KIAA1671: variants seen among roughly 807,000 people sequenced by gnomAD.
KIAA1671 encodes the protein KIAA1671.
KIAA1671 carries 52 observed loss-of-function variants against 131.2 expected under a neutral mutation model. The ratio of observed to expected loss-of-function variants is 0.40; its 90% CI spans 0.32 to 0.50. The LOEUF (loss-of-function observed/expected upper bound fraction) is 0.50, where lower values mean the gene tolerates loss of function less well. Ranked by LOEUF, KIAA1671 falls within the 20% of genes least tolerant of loss-of-function variation. The pLI is 0.73. For synonymous variants in KIAA1671, 1,003 were observed against 961.6 expected, an observed-to-expected ratio of 1.04 and a Z score of -0.80; for missense variants, 2,360 against 2,364.2, an observed-to-expected ratio of 1.00 and a Z score of 0.04.
chr22:25,032,993 C>A (rs2145794280), intron 4 of KIAA1671, among the ~76,000 whole-genome samples: 1 of 152,176 alleles, frequency 6.6e-6, no homozygotes, highest in East Asian at 1.9e-4. Context: ...TGTTAAAATA[C>A]TAAAATTTAG....
intron 6 of KIAA1671, among the ~76,000 whole-genome samples, chr22:25,130,508 G>A (rs1266669748): frequency 6.6e-6 from 1 of 152,168 alleles, no homozygotes; most frequent in Non-Finnish European, 1.5e-5. Context: ...AGATACAACT[G>A]CAAAGAGAAA....
rs934577669 is a variant in KIAA1671, at chr22:25,021,606, A to T, written c.-207-4027A>T. ...GTACATAGATGCTTGATAATTGTGT[A>T]TTGGAAGGAAGGAAGGAAGGAGCTA... On this transcript the variant is annotated intron_variant, in intron 1 of 12. Coordinates refer to ENST00000358431, the MANE Select transcript of KIAA1671 (RefSeq NM_001145206.2). Among the ~76,000 whole-genome samples the T allele has an allele frequency of 8.5e-4, 128 of 150,740 alleles. 2 individuals carry two copies. Among genetic ancestry groups the T allele is most frequent in the African/African-American group, 3.1e-3 (126 of 40,978 alleles).
At chr22:25,114,683 T>C (rs1216938234) in intron 6 of KIAA1671, among the ~76,000 whole-genome samples, 3 of 152,130 alleles carry the variant, frequency 2.0e-5, no homozygotes, top group Non-Finnish European at 4.4e-5. Flanking sequence ...GCTTAAAAAT[T>C]AGTTCTTGTG....
chr22:25,066,991 C>G (rs1015198787), intron 6 of KIAA1671, among the ~76,000 whole-genome samples: 1 of 152,170 alleles, frequency 6.6e-6, no homozygotes, highest in Non-Finnish European at 1.5e-5. Flanking sequence ...CACTGTTCCA[C>G]TTCGTCAGCC....
At chr22:25,161,173 A>G (rs1198408076) in intron 6 of KIAA1671, among the ~76,000 whole-genome samples, 1 of 151,536 alleles carries the variant, frequency 6.6e-6, no homozygotes, top group Non-Finnish European at 1.5e-5. Flanking sequence ...TTTACTGAGC[A>G]CTTACTATGT....
chr22:25,191,585 A>G (rs1247414305), intron 12 of KIAA1671, among the ~76,000 whole-genome samples: 2 of 152,280 alleles, frequency 1.3e-5, no homozygotes, highest in African/African-American at 4.8e-5. Flanking sequence ...ATGACTGAAC[A>G]TCATGAACTT....
rs763635828 is a variant in KIAA1671, at chr22:25,170,931, G to C, written c.4642G>C (p.Gly1548Arg). 20 of 1,551,514 alleles carry C rather than the reference G, an allele frequency of 1.3e-5. No individual in the cohort carries two copies. The highest frequency in any genetic ancestry group is 3.6e-5 in the South Asian group (3 of 84,048). Reference sequence around the variant, plus strand: ...GACGTGGACAGAGCAGTGCCAGAGTGGGGAGAGGTAGGACGCGTGCGACGG... The same window carrying C: ...GACGTGGACAGAGCAGTGCCAGAGTCGGGAGAGGTAGGACGCGTGCGACGG... ...YGTWTEQCQSGESLATESPDS... is the reference protein window; with the variant it reads ...YGTWTEQCQSRESLATESPDS... The change falls in exon 7 of 13, where the codon GGG (glycine) becomes CGG (arginine). Residue 1548 changes from glycine to arginine, a missense_variant. Physicochemically the swap from Gly to Arg is moderately radical, Grantham distance 125. Transcript: ENST00000358431.
rs1368447115 is a variant in KIAA1671 at position 25,013,220 on chromosome 22, A to T, written c.-207-12413A>T. The T allele has an allele frequency of 3.3e-5, 5 of 152,328 alleles. No homozygotes were observed. In the East Asian group the frequency reaches 9.7e-4, roughly 29 times the overall value. 9.4% of individuals were successfully genotyped at this position (152,328 alleles called of 1,614,324 possible). On this transcript the variant is annotated intron_variant, in intron 1 of 12. Coordinates refer to ENST00000358431, the MANE Select transcript of KIAA1671 (RefSeq NM_001145206.2). Reference sequence around the variant, plus strand: ...GCCTTATTTAAACGGCTCTAAAAGGATGGGTGGGAATCAGGCAAATGGACA... The same window carrying T: ...GCCTTATTTAAACGGCTCTAAAAGGTTGGGTGGGAATCAGGCAAATGGACA...
intron 9 of KIAA1671, among the ~76,000 whole-genome samples, chr22:25,180,120 A>T (rs6004462): frequency 0.32 from 49,178 of 151,800 alleles, 8,368 homozygotes; most frequent in East Asian, 0.48. Context: ...CTAAACAGTT[A>T]CGTGTTGCTC....
At chr22:25,183,052 G>C (rs114292090) in intron 10 of KIAA1671, among the ~76,000 whole-genome samples, 2,483 of 150,868 alleles carry the variant, frequency 0.016, 64 homozygotes, top group African/African-American at 0.059. Context: ...ATTTGGGTGA[G>C]GAAAGAGGCC....
chr22:25,173,655 C>A (rs944280705), intron 7 of KIAA1671, among the ~76,000 whole-genome samples: 25 of 152,036 alleles, frequency 1.6e-4, no homozygotes, highest in African/African-American at 6.0e-4. Context: ...GCTGCAAATG[C>A]AAGACATATA....
At chr22:24,983,941 G>A (rs966357362) in intron 1 of KIAA1671, among the ~76,000 whole-genome samples, 5 of 151,988 alleles carry the variant, frequency 3.3e-5, no homozygotes, top group Admixed American at 3.3e-4. Context: ...ACCACGCCCA[G>A]CTAACTTTGT....
At chr22:25,128,770 G>A (rs376266631) in intron 6 of KIAA1671, among the ~76,000 whole-genome samples, 34 of 152,304 alleles carry the variant, frequency 2.2e-4, no homozygotes, top group South Asian at 2.1e-3. Flanking sequence ...CTCCATTTAT[G>A]TAGCTGTGTG....
At chr22:25,084,697 G>C (rs1042397983) in intron 6 of KIAA1671, among the ~76,000 whole-genome samples, 11 of 152,178 alleles carry the variant, frequency 7.2e-5, no homozygotes, top group African/African-American at 2.2e-4. Context: ...AGTGTCTGCT[G>C]CCTGTCTGGA....
intron 6 of KIAA1671, among the ~76,000 whole-genome samples, chr22:25,077,175 G>A (rs914004985): frequency 3.9e-5 from 6 of 152,192 alleles, no homozygotes; most frequent in East Asian, 1.9e-4. Context: ...GCGAGGCGGG[G>A]CTCTGGAGGG....
intron 1 of KIAA1671, among the ~76,000 whole-genome samples, chr22:24,969,830 G>C (rs919385758): frequency 6.6e-6 from 1 of 152,216 alleles, no homozygotes; most frequent in Non-Finnish European, 1.5e-5. Context: ...TTCAGCTTCT[G>C]CTCTGTAAAA....
At chr22:25,187,384 G>A (rs570390292) in intron 11 of KIAA1671, among the ~76,000 whole-genome samples, 1 of 152,298 alleles carries the variant, frequency 6.6e-6, no homozygotes, top group African/African-American at 2.4e-5. Context: ...TAATGTAGCT[G>A]AGATCACGAC....
chr22:25,108,169 C>T (rs972728816), intron 6 of KIAA1671, among the ~76,000 whole-genome samples: 1 of 152,130 alleles, frequency 6.6e-6, no homozygotes, highest in Non-Finnish European at 1.5e-5. Flanking sequence ...ACATATGTGT[C>T]TTGTTTCACC....
chr22:25,065,144 G>GGCGGCTGTATGGTGTTGCT (rs371178540), intron 6 of KIAA1671: 20,445 of 152,134 alleles, frequency 0.13, 1,417 homozygotes, highest in Middle Eastern at 0.16. Context: ...GGCAGCAAGC[G>GGCGGCTGTATGGTGTTGCT]GCGGCTGTAT....
Sources: allele counts gnomAD v4.1 joint callset (sites outside exome capture counted in the v4.1 genomes callset), GRCh38; gene constraint gnomAD v4.1.1; transcripts MANE v1.5; gene names NCBI Gene and HGNC (gene_info 2026-07-23, HGNC 2026-07-21).